MGAT4C: variants seen among roughly 807,000 people sequenced by gnomAD.
MGAT4C encodes the protein MGAT4 family member C.
In MGAT4C, 19 loss-of-function variants were observed where a neutral mutation model predicts 40.1. The ratio of observed to expected loss-of-function variants is 0.47; its 90% CI spans 0.33 to 0.70. The LOEUF is 0.70. Ranked by LOEUF, MGAT4C falls within the 30% of genes least tolerant of loss-of-function variation. The pLI is 0.02. For missense variants in MGAT4C, 491 were observed against 563.2 expected (o/e 0.87, Z 1.30); for synonymous variants, 181 against 187.1 (o/e 0.97, Z 0.27).
At chr12:86,090,273 G>A (rs1006589794) in intron 1 of MGAT4C, among the ~76,000 whole-genome samples, 5 of 151,422 alleles carry the variant, frequency 3.3e-5, no homozygotes, top group African/African-American at 1.2e-4. Flanking sequence ...TATTCATAAA[G>A]TTTATGCATA....
At chr12:86,669,392 G>A (rs553490437) in intron 2 of MGAT4C, among the ~76,000 whole-genome samples, 142 of 152,266 alleles carry the variant, frequency 9.3e-4, no homozygotes, top group African/African-American at 3.2e-3. Flanking sequence ...TCGTTCAGCA[G>A]CCTGAGTTGC....
chr12:86,337,284 T>C (rs962967121), intron 3 of MGAT4C, among the ~76,000 whole-genome samples: 2 of 152,104 alleles, frequency 1.3e-5, no homozygotes, highest in Non-Finnish European at 2.9e-5. Context: ...CATTTTGAAA[T>C]AATATTCTGA....
At chr12:86,012,583 A>G (rs941049173) in intron 2 of MGAT4C, among the ~76,000 whole-genome samples, 3 of 151,964 alleles carry the variant, frequency 2.0e-5, no homozygotes, top group African/African-American at 7.3e-5. Flanking sequence ...TCTACTAAAA[A>G]TACAAAAAAG....
rs1884356758 is a variant in MGAT4C, at chr12:85,979,925, A to T, written c.801T>A (p.His267Gln). 3 of 1,613,866 alleles carry T rather than the reference A, an allele frequency of 1.9e-6. No individual in the cohort carries two copies. The highest frequency in any genetic ancestry group is 2.5e-6 in the Non-Finnish European group (3 of 1,179,854). ...AAAAATGGGCCAAACGTGGGAGATC[A>T]TGAGAATGATAGAGTTTACCAATGT... Reference protein sequence around the residue: ...LGYIGKLYHSHDLPRLAHFLL... With the variant: ...LGYIGKLYHSQDLPRLAHFLL... Residue 267 changes from histidine (H) to glutamine (Q), a missense_variant, in exon 5 of 5, where the codon CAT becomes CAA. His to Gln is a conservative substitution (Grantham distance 24). Transcript: ENST00000611864.
rs145983486 is a variant in MGAT4C, at chr12:86,046,991, C to T, written c.-7+2683G>A. Among the ~76,000 whole-genome samples the T allele has an allele frequency of 9.0e-3, 1,373 of 152,120 alleles. 12 individuals are homozygous for T. The highest frequency in any genetic ancestry group is 0.02 in the Admixed American group (312 of 15,266). ...ATATACTATCTCTGTTACAGGTAATCGGTTTATTCTTAGTGGTAGAGGAAA... is the reference window on the plus strand; with the variant it reads ...ATATACTATCTCTGTTACAGGTAATTGGTTTATTCTTAGTGGTAGAGGAAA... On this transcript the variant is annotated intron_variant, in intron 2 of 4. Coordinates refer to ENST00000611864, the MANE Select transcript of MGAT4C (RefSeq NM_001351288.2).
chr12:86,221,810 A>C (rs560610851), intron 1 of MGAT4C, among the ~76,000 whole-genome samples: 8 of 152,306 alleles, frequency 5.3e-5, no homozygotes, highest in African/African-American at 1.9e-4. Context: ...AAGCTGTCTG[A>C]ATCTCTTCTG....
chr12:86,775,369 A>G (rs1951732020), intron 1 of MGAT4C, among the ~76,000 whole-genome samples: 1 of 151,488 alleles, frequency 6.6e-6, no homozygotes, highest in East Asian at 1.9e-4. Context: ...GCTATGTATT[A>G]TACAAGCAAT....
chr12:86,348,319 C>A (rs1412835651), intron 3 of MGAT4C, among the ~76,000 whole-genome samples: 2 of 152,108 alleles, frequency 1.3e-5, no homozygotes, highest in East Asian at 3.9e-4. Flanking sequence ...AAATAGAATT[C>A]ATTTTTCTTT....
Position 86,591,353 on chromosome 12 carries a change from G to A in MGAT4C, c.-229+135856C>T, listed in dbSNP as rs187215311. The stretch of plus-strand genomic sequence containing the variant: ...GAGATTTTAATGTTACTATTTAGAG[G>A]ATACTATTTATTCACTTTTAAAATT... On this transcript the variant is annotated intron_variant, in intron 2 of 7. Transcript: ENST00000548651. Among the ~76,000 whole-genome samples the A allele has an allele frequency of 1.7e-3, 259 of 151,864 alleles. 1 individual carries two copies. Among genetic ancestry groups the A allele is most frequent in the Middle Eastern group, 6.8e-3 (2 of 294 alleles).
At chr12:86,474,337 C>T (rs369859698) in intron 2 of MGAT4C, among the ~76,000 whole-genome samples, 8 of 127,932 alleles carry the variant, frequency 6.3e-5, no homozygotes, top group African/African-American at 2.4e-4. Context: ...CACATGGACA[C>T]AGGAAGGGGA....
chr12:86,099,911 TG>T (rs1874657318), intron 1 of MGAT4C, among the ~76,000 whole-genome samples: 1 of 151,470 alleles, frequency 6.6e-6, no homozygotes, highest in Admixed American at 6.6e-5. Flanking sequence ...TTAGGGGAAA[TG>T]TAAGTTTTTC....
At chr12:86,017,789 T>C (rs1013850693) in intron 2 of MGAT4C, among the ~76,000 whole-genome samples, 9 of 152,166 alleles carry the variant, frequency 5.9e-5, no homozygotes, top group African/African-American at 9.6e-5. Context: ...TGTAGAGAAA[T>C]AACATTTTTA....
chr12:86,592,612 C>G (rs770260921), intron 2 of MGAT4C, among the ~76,000 whole-genome samples: 1 of 152,086 alleles, frequency 6.6e-6, no homozygotes, highest in Non-Finnish European at 1.5e-5. Flanking sequence ...ACCATTAAAT[C>G]TGTAGGGAGA....
At chr12:86,779,513 G>A (rs1269950195) in intron 1 of MGAT4C, among the ~76,000 whole-genome samples, 1 of 151,820 alleles carries the variant, frequency 6.6e-6, no homozygotes, top group Non-Finnish European at 1.5e-5. Context: ...GAGGTGAGAG[G>A]GTTGCCTGAG....
intron 2 of MGAT4C, among the ~76,000 whole-genome samples, chr12:86,565,611 TG>T (rs2136414467): frequency 6.6e-6 from 1 of 152,338 alleles, no homozygotes; most frequent in Admixed American, 6.5e-5. Context: ...CCCAATGGCG[TG>T]GCTGGATGCC....
At chr12:86,223,651 T>C (rs61949036) in intron 1 of MGAT4C, among the ~76,000 whole-genome samples, 12,510 of 152,272 alleles carry the variant, frequency 0.082, 622 homozygotes, top group Middle Eastern at 0.22. Context: ...ACTGGGGGCC[T>C]GAGGACAAGA....
intron 4 of MGAT4C, among the ~76,000 whole-genome samples, chr12:86,311,823 G>T (rs1954083806): frequency 6.6e-6 from 1 of 152,022 alleles, no homozygotes. Flanking sequence ...CCCATCTTGG[G>T]TTCTTGGTTG....
At chr12:86,094,584 T>A (rs1340588138) in intron 1 of MGAT4C, among the ~76,000 whole-genome samples, 2 of 152,302 alleles carry the variant, frequency 1.3e-5, no homozygotes, top group South Asian at 2.1e-4. Context: ...CTAATCTTTT[T>A]AAATCTCTTT....
At chr12:86,239,725 T>TTTTTCC (rs1951697655) in intron 1 of MGAT4C, among the ~76,000 whole-genome samples, 1 of 152,022 alleles carries the variant, frequency 6.6e-6, no homozygotes. Flanking sequence ...TTTATAATTC[T>TTTTTCC]TTTTCTTTTA....
Sources: allele counts gnomAD v4.1 joint callset (sites outside exome capture counted in the v4.1 genomes callset), GRCh38; gene constraint gnomAD v4.1.1; transcripts MANE v1.5; gene names NCBI Gene and HGNC (gene_info 2026-07-23, HGNC 2026-07-21).